Variants in ST6GALNAC5 observed in about 807,000 individuals in gnomAD.
ST6GALNAC5 encodes alpha-N-acetylgalactosaminide alpha-2,6-sialyltransferase 5.
ST6GALNAC5 carries 27 observed loss-of-function variants against 33.6 expected under a neutral mutation model. The ratio of observed to expected loss-of-function variants is 0.80; its 90% CI spans 0.59 to 1.11. The LOEUF is 1.11. Among genes scored for constraint, ST6GALNAC5 ranks in the 50% least tolerant of loss-of-function variants. ST6GALNAC5 has a pLI of 0.00. For synonymous variants in ST6GALNAC5, 194 were observed against 171.2 expected (o/e 1.13, Z -1.04); for missense variants, 428 against 454.0 (o/e 0.94, Z 0.52).
Position 76,868,696 on chromosome 1 carries a change from C to A in ST6GALNAC5, c.215C>A (p.Ala72Glu), listed in dbSNP as rs747671431. The change falls in exon 2 of 5, where the codon GCG (alanine) becomes GAG (glutamate). Residue 72 changes from alanine to glutamate, a missense_variant. Ala to Glu is a moderately radical substitution (Grantham distance 107, BLOSUM62 -1). Transcript: ENST00000477717. The surrounding 1 kb of genome is among the most constrained non-coding windows in gnomAD (Gnocchi z 4.3). ...SSTQQRPGVPAGPRPLDGYLG... is the reference protein window; with the variant it reads ...SSTQQRPGVPEGPRPLDGYLG... ...ACCCAGCAGCGCCCCGGGGTCCCCG[C>A]GGGACCGCGGCCACTGGACGGATAC... 1 of 1,538,936 alleles carries A rather than the reference C, an allele frequency of 6.5e-7. No individual in the cohort carries two copies. The highest frequency in any genetic ancestry group is 8.7e-7 in the Non-Finnish European group (1 of 1,143,260).
chr1:76,920,295 G>A (rs1647017086), intron 2 of ST6GALNAC5, among the ~76,000 whole-genome samples: 1 of 152,124 alleles, frequency 6.6e-6, no homozygotes, highest in Non-Finnish European at 1.5e-5. Flanking sequence ...CCAGGCTACT[G>A]TCAATTCTGT....
At position 77,065,048 on chromosome 1, in the gene ST6GALNAC5, A is replaced by G. The variant is rs1001154491; in HGVS notation, c.*1842A>G. 1.3e-5 allele frequency: 2 copies of G among 152,186 alleles called. No individual in the cohort carries two copies. Among genetic ancestry groups the G allele is most frequent in the African/African-American group, 4.8e-5 (2 of 41,452 alleles). 9.4% of individuals were successfully genotyped at this position (152,186 alleles called of 1,614,324 possible). A position where few individuals can be genotyped will look rare whatever the true frequency, so the allele number is the denominator to read the frequency against. The stretch of plus-strand genomic sequence containing the variant: ...AAAACATACTGGAATATGTTCTTTA[A>G]GTTTTCTCATAGTTTTTAAAGGGAC... On this transcript the variant is annotated 3_prime_UTR_variant, in exon 5 of 5. Coordinates refer to ENST00000477717, the MANE Select transcript of ST6GALNAC5 (RefSeq NM_030965.3).
At chr1:76,988,933 T>C (rs1283693035) in intron 2 of ST6GALNAC5, among the ~76,000 whole-genome samples, 2 of 152,208 alleles carry the variant, frequency 1.3e-5, no homozygotes. Context: ...GTAGCCCTTA[T>C]ACTTCAAGAA....
At chr1:77,037,483 C>T (rs1357366059) in intron 2 of ST6GALNAC5, among the ~76,000 whole-genome samples, 1 of 152,046 alleles carries the variant, frequency 6.6e-6, no homozygotes, top group African/African-American at 2.4e-5. Flanking sequence ...ATTCATGCCT[C>T]AAAACTCAGT....
intron 2 of ST6GALNAC5, among the ~76,000 whole-genome samples, chr1:76,994,897 T>A (rs1557752720): frequency 6.6e-6 from 1 of 152,198 alleles, no homozygotes; most frequent in East Asian, 1.9e-4. Context: ...GACTAGTTTC[T>A]TGTCTATCCG....
chr1:76,886,980 T>A (rs1005778765), intron 2 of ST6GALNAC5, among the ~76,000 whole-genome samples: 16 of 152,224 alleles, frequency 1.1e-4, no homozygotes, highest in African/African-American at 3.9e-4. Flanking sequence ...TATTTTCACC[T>A]TTTGCCTATT....
chr1:76,945,705 T>G (rs1466986571), intron 2 of ST6GALNAC5, among the ~76,000 whole-genome samples: 4 of 152,144 alleles, frequency 2.6e-5, no homozygotes, highest in Non-Finnish European at 5.9e-5. Flanking sequence ...TAAAAAGAAC[T>G]AATTAGCAAG....
intron 2 of ST6GALNAC5, among the ~76,000 whole-genome samples, chr1:76,991,736 T>C (rs905431808): frequency 6.6e-5 from 10 of 152,126 alleles, no homozygotes; most frequent in African/African-American, 2.4e-4. Flanking sequence ...AGCTGCCAAC[T>C]GGACATTTTC....
At chr1:76,989,993 C>A (rs931202306) in intron 2 of ST6GALNAC5, among the ~76,000 whole-genome samples, 4 of 152,248 alleles carry the variant, frequency 2.6e-5, no homozygotes, top group Non-Finnish European at 4.4e-5. Context: ...CAGAAGAATT[C>A]AGTTGCTTTT....
At position 76,974,114 on chromosome 1, in the gene ST6GALNAC5, T is replaced by G. The variant is rs73001602; in HGVS notation, c.262-70090T>G. Among the ~76,000 whole-genome samples, 793 of 152,214 alleles carry G rather than the reference T, an allele frequency of 5.2e-3. 3 individuals carry two copies. Among genetic ancestry groups the G allele is most frequent in the African/African-American group, 0.018 (760 of 41,552 alleles). On this transcript the variant is annotated intron_variant, in intron 2 of 4. Coordinates refer to ENST00000477717, the MANE Select transcript of ST6GALNAC5 (RefSeq NM_030965.3). The stretch of plus-strand genomic sequence containing the variant: ...GTTTCTATTAGATTCAAATTAAAAT[T>G]ACAAATTAGTGAAGATTGACATCTT...
intron 4 of ST6GALNAC5, among the ~76,000 whole-genome samples, chr1:77,053,236 G>A (rs904003421): frequency 6.6e-6 from 1 of 152,180 alleles, no homozygotes; most frequent in Non-Finnish European, 1.5e-5. Context: ...CATGGTACAT[G>A]TATCATGAGC....
chr1:77,055,859 A>T (rs1402719334), intron 4 of ST6GALNAC5, among the ~76,000 whole-genome samples: 1 of 152,226 alleles, frequency 6.6e-6, no homozygotes, highest in African/African-American at 2.4e-5. Context: ...CATAGAGTGT[A>T]TCTTCAGTAC....
At chr1:76,989,378 T>C (rs1553170831) in intron 2 of ST6GALNAC5, among the ~76,000 whole-genome samples, 5 of 152,112 alleles carry the variant, frequency 3.3e-5, no homozygotes, top group Non-Finnish European at 7.4e-5. Flanking sequence ...AATTATTCCA[T>C]TACTGTGTTA....
In ST6GALNAC5 at chr1:76,923,548, C is replaced by G. The variant is rs182483217; in HGVS notation, c.261+54806C>G. Among the ~76,000 whole-genome samples, 449 of 152,100 alleles carry G rather than the reference C, an allele frequency of 3.0e-3. 1 individual carries two copies. Among genetic ancestry groups the G allele is most frequent in the Admixed American group, 5.3e-3 (81 of 15,270 alleles). On this transcript the variant is annotated intron_variant, in intron 2 of 4. Coordinates refer to ENST00000477717, the MANE Select transcript of ST6GALNAC5 (RefSeq NM_030965.3). ...TCTGTACTAAAAATACAAAAATTAG[C>G]CAGGTGTGGCGGCAGGTAGCTGTAA...
rs184465317 is a variant in ST6GALNAC5 at position 76,967,284 on chromosome 1, T to C, written c.262-76920T>C. Among the ~76,000 whole-genome samples, 754 of 152,336 alleles carry C rather than the reference T, an allele frequency of 4.9e-3. 4 individuals carry two copies. The highest frequency in any genetic ancestry group is 8.1e-3 in the Non-Finnish European group (548 of 68,026). On this transcript the variant is annotated intron_variant, in intron 2 of 4. Transcript: ENST00000477717. The stretch of plus-strand genomic sequence containing the variant: ...TTGCCTCAATTTCAGAGCCTGTTAT[T>C]GGTCTATTCAGAGATTCAACTTCTT...
chr1:76,913,404 T>G (rs1284980098), intron 2 of ST6GALNAC5, among the ~76,000 whole-genome samples: 1 of 151,428 alleles, frequency 6.6e-6, no homozygotes, highest in Non-Finnish European at 1.5e-5. Context: ...GTCTTGGAGT[T>G]GCTCTTCTCA....
intron 2 of ST6GALNAC5, among the ~76,000 whole-genome samples, chr1:76,964,117 C>T (rs1000261774): frequency 2.0e-5 from 3 of 152,078 alleles, no homozygotes; most frequent in Admixed American, 2.0e-4. Context: ...CCAGTGAGGC[C>T]TGCTTTGGAC....
chr1:76,997,775 G>T (rs187832368), intron 2 of ST6GALNAC5, among the ~76,000 whole-genome samples: 350 of 152,300 alleles, frequency 2.3e-3, no homozygotes, highest in Non-Finnish European at 2.7e-3. Flanking sequence ...AAGGCCAGAG[G>T]ATCACTTGAG....
intron 2 of ST6GALNAC5, among the ~76,000 whole-genome samples, chr1:77,031,909 T>C (rs935274881): frequency 1.1e-4 from 17 of 152,136 alleles, no homozygotes; most frequent in African/African-American, 3.9e-4. Context: ...TGATTGTCAA[T>C]ATGATGAGAA....
Sources: allele counts gnomAD v4.1 joint callset (sites outside exome capture counted in the v4.1 genomes callset), GRCh38; gene constraint gnomAD v4.1.1; non-coding constraint Gnocchi (gnomAD v3.1); transcripts MANE v1.5; gene names NCBI Gene and HGNC (gene_info 2026-07-23, HGNC 2026-07-21).